Variants in NME7 observed in about 807,000 individuals in gnomAD.
The protein encoded by NME7 is nucleoside diphosphate kinase 7.
NME7 carries 41 observed loss-of-function variants against 49.1 expected under a neutral mutation model. That is an observed-to-expected ratio of 0.83 (90% CI 0.65 to 1.08). NME7 has a LOEUF of 1.08. Ranked by LOEUF, NME7 falls within the 50% of genes least tolerant of loss-of-function variation. The pLI is 0.00. For synonymous variants in NME7, 139 were observed against 150.6 expected (o/e 0.92, Z 0.56); for missense variants, 423 against 463.4 (o/e 0.91, Z 0.80).
intron 1 of NME7, among the ~76,000 whole-genome samples, chr1:169,338,299 A>G (rs1652557123): frequency 1.3e-5 from 2 of 152,250 alleles, no homozygotes; most frequent in Admixed American, 1.3e-4. Context: ...TATCTCAGAA[A>G]TAGAATGCAT....
chr1:169,144,817 T>C (rs1347456955), intron 11 of NME7, among the ~76,000 whole-genome samples: 2 of 152,168 alleles, frequency 1.3e-5, no homozygotes, highest in African/African-American at 4.8e-5. Flanking sequence ...CTTCAGCAAT[T>C]TGTTTATTAT....
At chr1:169,354,723 T>C (rs1402098485) in intron 1 of NME7, among the ~76,000 whole-genome samples, 1 of 143,704 alleles carries the variant, frequency 7.0e-6, no homozygotes, top group Admixed American at 7.3e-5. Flanking sequence ...CATATATATA[T>C]ACACACATAC....
intron 10 of NME7, among the ~76,000 whole-genome samples, chr1:169,210,337 G>C (rs913883176): frequency 6.6e-6 from 1 of 152,084 alleles, no homozygotes; most frequent in Non-Finnish European, 1.5e-5. Flanking sequence ...TCCAATTATT[G>C]CTTGAGACTG....
chr1:169,207,792 G>GT (rs1372883794), intron 10 of NME7, among the ~76,000 whole-genome samples: 3 of 152,086 alleles, frequency 2.0e-5, no homozygotes, highest in Non-Finnish European at 2.9e-5. Flanking sequence ...ATCTGATGCG[G>GT]TGGGGAAGGG....
At chr1:169,292,427 CT>C (rs1213067184) in intron 6 of NME7, among the ~76,000 whole-genome samples, 4 of 152,088 alleles carry the variant, frequency 2.6e-5, no homozygotes, top group African/African-American at 9.7e-5. Flanking sequence ...AATCATATCT[CT>C]GGATAAAGAA....
intron 1 of NME7, among the ~76,000 whole-genome samples, chr1:169,330,592 T>C (rs760467115): frequency 6.6e-6 from 1 of 151,992 alleles, no homozygotes; most frequent in Non-Finnish European, 1.5e-5. Flanking sequence ...GGCAGGAGAA[T>C]TGCTTGAACC....
intron 10 of NME7, among the ~76,000 whole-genome samples, chr1:169,199,007 C>G (rs1216968118): frequency 1.3e-5 from 2 of 152,138 alleles, no homozygotes; most frequent in Non-Finnish European, 2.9e-5. Flanking sequence ...CTTACATTGA[C>G]TTGTATTTCG....
At position 169,264,918 on chromosome 1, in the gene NME7, T is replaced by C. The variant is rs566418490; in HGVS notation, c.754+22385A>G. 2.1e-4 allele frequency among the ~76,000 whole-genome samples: 28 copies of C among 133,796 alleles called. 2 individuals are homozygous for C. Among genetic ancestry groups the C allele is most frequent in the African/African-American group, 6.6e-4 (26 of 39,646 alleles). The allele number at this position is 133,796 out of a possible 152,430, so 87.8% of individuals were successfully genotyped here. ...TAATTGACTCACAGTTCAGCATGGC[T>C]AGGGAGGCCTCAGGAAACTTACAAT... On this transcript the variant is annotated intron_variant, in intron 7 of 11. Transcript: ENST00000367811.
intron 10 of NME7, among the ~76,000 whole-genome samples, chr1:169,228,825 T>C (rs1403766864): frequency 6.6e-6 from 1 of 152,222 alleles, no homozygotes; most frequent in Non-Finnish European, 1.5e-5. Flanking sequence ...TTTATTATAA[T>C]TAATTTTCAA....
At chr1:169,276,155 G>C (rs1254987455) in intron 7 of NME7, among the ~76,000 whole-genome samples, 1 of 118,714 alleles carries the variant, frequency 8.4e-6, no homozygotes, top group Non-Finnish European at 2.0e-5. Flanking sequence ...TCTCTTTTTT[G>C]GTTGTGTCTC....
intron 6 of NME7, among the ~76,000 whole-genome samples, chr1:169,295,005 T>C (rs1051755901): frequency 4.6e-5 from 7 of 152,114 alleles, no homozygotes; most frequent in Non-Finnish European, 1.0e-4. Context: ...TGAAAGCTGG[T>C]TGTTAAAAAC....
chr1:169,169,378 C>T (rs572243484), intron 11 of NME7, 69 bp downstream of exon 11: 4 of 1,372,332 alleles, frequency 2.9e-6, no homozygotes, highest in African/African-American at 2.9e-5. Context: ...AGTTTTCTTA[C>T]ACATCAGAAC....
intron 1 of NME7, among the ~76,000 whole-genome samples, chr1:169,340,775 G>T (rs567637360): frequency 4.9e-4 from 74 of 152,318 alleles, no homozygotes; most frequent in African/African-American, 1.7e-3. Flanking sequence ...GCGGCATTTT[G>T]CCTCTGCCTT....
At chr1:169,228,809 TC>T (rs1331973126) in intron 10 of NME7, among the ~76,000 whole-genome samples, 2 of 152,106 alleles carry the variant, frequency 1.3e-5, no homozygotes, top group African/African-American at 4.8e-5. Context: ...AGCAATCCCT[TC>T]CTAATTTATT....
chr1:169,339,516 T>C (rs1652605689), intron 1 of NME7, among the ~76,000 whole-genome samples: 1 of 152,172 alleles, frequency 6.6e-6, no homozygotes, highest in Non-Finnish European at 1.5e-5. Flanking sequence ...AGAAATCAAA[T>C]GATAACACAG....
chr1:169,276,170 C>T (rs1378242083), intron 7 of NME7, among the ~76,000 whole-genome samples: 1 of 133,242 alleles, frequency 7.5e-6, no homozygotes, highest in African/African-American at 2.5e-5. Context: ...TGTCTCTGCC[C>T]GACTTTGGTA....
intron 7 of NME7, among the ~76,000 whole-genome samples, chr1:169,239,718 C>T (rs1648002294): frequency 6.6e-6 from 1 of 151,872 alleles, no homozygotes; most frequent in African/African-American, 2.4e-5. Flanking sequence ...GAAATGATGC[C>T]AAGAGGCATT....
intron 7 of NME7, among the ~76,000 whole-genome samples, chr1:169,240,888 A>C (rs1648062297): frequency 6.6e-6 from 1 of 151,994 alleles, no homozygotes; most frequent in Non-Finnish European, 1.5e-5. Flanking sequence ...CTTCACTTGG[A>C]TTTTATCTTT....
chr1:169,134,072 C>A (rs926684961), intron 11 of NME7, among the ~76,000 whole-genome samples: 1 of 152,166 alleles, frequency 6.6e-6, no homozygotes, highest in Non-Finnish European at 1.5e-5. Context: ...ATTGTGCCAA[C>A]CTATTTCCCA....
Sources: allele counts gnomAD v4.1 joint callset (sites outside exome capture counted in the v4.1 genomes callset), GRCh38; gene constraint gnomAD v4.1.1; transcripts MANE v1.5; gene names NCBI Gene and HGNC (gene_info 2026-07-23, HGNC 2026-07-21).